The following HEATR1 variants were observed in gnomAD, a reference collection of about 807,000 sequenced individuals.
HEATR1 encodes the protein HEAT repeat containing 1.
In HEATR1, 77 loss-of-function variants were observed where a neutral mutation model predicts 248.2. The observed-to-expected ratio is 0.31, with a 90% CI of 0.26 to 0.37. The LOEUF is 0.37. HEATR1 is among the 10% of genes least tolerant of loss of function. The pLI is 1.00. For missense variants in HEATR1, 2,420 were observed against 2,504.9 expected (o/e 0.97, Z 0.72); for synonymous variants, 897 against 923.1 (o/e 0.97, Z 0.51).
Position 236,559,021 on chromosome 1 carries a change from G to C in HEATR1, c.4885C>G (p.Gln1629Glu). 1.9e-6 allele frequency: 3 copies of C among 1,610,492 alleles called. No homozygotes were observed. In the Admixed American group the frequency reaches 5.1e-5, roughly 27 times the overall value. Residue 1629 changes from glutamine (Q) to glutamate (E), a missense_variant, in exon 35 of 45, where the codon CAA becomes GAA. Transcript: ENST00000366582. Reference sequence around the variant, plus strand: ...ATTGTCTTCTTCCAGGATATATTTTGCTGCAGCTTGTTATTCAAAAGGTCC... The same window carrying C: ...ATTGTCTTCTTCCAGGATATATTTTCCTGCAGCTTGTTATTCAAAAGGTCC... ...ALDLLNNKLQ[Q>E]NISWKKTIVT... is the part of the protein sequence containing the mutation.
At position 236,603,174 on chromosome 1, in the gene HEATR1, C is replaced by T; in HGVS notation, c.345G>A (p.Glu115=). 3 of 1,613,156 alleles carry T rather than the reference C, an allele frequency of 1.9e-6. No individual in the cohort carries two copies. Among genetic ancestry groups the T allele is most frequent in the Non-Finnish European group, 2.5e-6 (3 of 1,179,118 alleles). The part of the protein sequence containing the change: ...FLLKPAQKCL[E]WLIHRFHIHL... Reference sequence around the variant, plus strand: ...CTATTAGCTACCTGTGAATCAACCACTCCAGACACTTCTGTGCTGGCTTAA... The same window carrying T: ...CTATTAGCTACCTGTGAATCAACCATTCCAGACACTTCTGTGCTGGCTTAA... The change falls in exon 3 of 45, where the codon GAG becomes GAA. Residue 115 remains glutamate (E), a synonymous_variant. Coordinates refer to ENST00000366582, the MANE Select transcript of HEATR1 (RefSeq NM_018072.6).
At position 236,550,274 on chromosome 1, in the gene HEATR1, A is replaced by G. The variant is rs1662665600; in HGVS notation, c.*628T>C. ...GCCAGGTGTGAGCTGTTTTAGAAGC[A>G]GCGTGTTGCCTTCATCTCTCCCGTT... On this transcript the variant is annotated 3_prime_UTR_variant, in exon 45 of 45. Coordinates refer to ENST00000366582, the MANE Select transcript of HEATR1 (RefSeq NM_018072.6). 6.6e-6 allele frequency: 1 copy of G among 152,222 alleles called. No homozygotes were observed. Among genetic ancestry groups the G allele is most frequent in the African/African-American group, 2.4e-5 (1 of 41,438 alleles). The allele number at this position is 152,222 out of a possible 1,614,324, so 9.4% of individuals were successfully genotyped here. A position where few individuals can be genotyped will look rare whatever the true frequency, so the allele number is the denominator to read the frequency against.
At chr1:236,571,724 A>G in intron 26 of HEATR1, 38 bp from the exon 27 acceptor site, 1 of 1,432,182 alleles carries the variant, frequency 7.0e-7, no homozygotes, top group Non-Finnish European at 9.9e-7. Flanking sequence ...GGGAAATGTA[A>G]AAGTTGTACA....
At chr1:236,589,875 T>TA (rs1161268802) in intron 12 of HEATR1, among the ~76,000 whole-genome samples, 1 of 152,162 alleles carries the variant, frequency 6.6e-6, no homozygotes, top group Non-Finnish European at 1.5e-5. Flanking sequence ...GAAGGCTATG[T>TA]AAAAAAATAA....
chr1:236,593,440 C>T (rs1157239481), intron 9 of HEATR1, among the ~76,000 whole-genome samples: 1 of 152,076 alleles, frequency 6.6e-6, no homozygotes, highest in African/African-American at 2.4e-5. Flanking sequence ...CACAGGCACT[C>T]TCTTGATCCT....
chr1:236,557,133 A>G, intron 37 of HEATR1, 62 bp downstream of exon 37: 1 of 1,540,376 alleles, frequency 6.5e-7, no homozygotes. Flanking sequence ...AAATCACTAC[A>G]TTTGTGATCT....
At chr1:236,590,419 A>T (rs1441570791) in intron 12 of HEATR1, among the ~76,000 whole-genome samples, 1 of 152,056 alleles carries the variant, frequency 6.6e-6, no homozygotes, top group Admixed American at 6.6e-5. Context: ...ACTTTTTTAT[A>T]GAGAAGGGGG....
Position 236,576,358 on chromosome 1 carries a change from T to C in HEATR1, c.2945A>G (p.Glu982Gly). The C allele has an allele frequency of 6.3e-7, 1 of 1,587,012 alleles. No individual in the cohort carries two copies. Among genetic ancestry groups the C allele is most frequent in the Non-Finnish European group, 8.5e-7 (1 of 1,172,390 alleles). Residue 982 changes from glutamate to glycine, a missense_variant, in exon 22 of 45, where the codon GAG becomes GGG. Coordinates refer to ENST00000366582, the MANE Select transcript of HEATR1 (RefSeq NM_018072.6). ...CAGTTTCTTTTCTCTCTGTAGTTCCTCAAATAAAGTAGCCAAATCCTAAGA... is the reference window on the plus strand; with the variant it reads ...CAGTTTCTTTTCTCTCTGTAGTTCCCCAAATAAAGTAGCCAAATCCTAAGA... ...YVIQDLATLF[E>G]ELQREKKLKS...
At position 236,550,845 on chromosome 1, in the gene HEATR1, A is replaced by C. The variant is rs1662696876; in HGVS notation, c.*57T>G. 2 of 1,373,798 alleles carry C rather than the reference A, an allele frequency of 1.5e-6. No homozygotes were observed. The highest frequency in any genetic ancestry group is 4.7e-5 in the East Asian group (2 of 42,782). 85.1% of individuals were successfully genotyped at this position (1,373,798 alleles called of 1,614,324 possible). ...AACATGGCACCCAACACCCAAAAAT[A>C]AAAATATGAAATATGAGTGTGAACT... On this transcript the variant is annotated 3_prime_UTR_variant, in exon 45 of 45. Coordinates refer to ENST00000366582, the MANE Select transcript of HEATR1 (RefSeq NM_018072.6).
chr1:236,576,548 T>C (rs541869936), intron 21 of HEATR1, among the ~76,000 whole-genome samples, 171 bp from the exon 22 acceptor site: 1 of 152,348 alleles, frequency 6.6e-6, no homozygotes, highest in South Asian at 2.1e-4. Flanking sequence ...TGGCTTACTA[T>C]GAAAAGCTAC....
intron 37 of HEATR1, among the ~76,000 whole-genome samples, chr1:236,556,796 C>T (rs558286688): frequency 3.3e-5 from 5 of 152,126 alleles, no homozygotes; most frequent in South Asian, 2.1e-4. Context: ...AAACCGCTGA[C>T]GTGCAATACA....
At chr1:236,559,991 G>A (rs1663085521) in intron 33 of HEATR1, among the ~76,000 whole-genome samples, 154 bp from the exon 34 acceptor site, 2 of 147,844 alleles carry the variant, frequency 1.4e-5, no homozygotes, top group South Asian at 4.2e-4. Flanking sequence ...AAGGAAATGA[G>A]GGATTATTGC....
chr1:236,572,819 T>G lies in HEATR1; in HGVS notation c.3469A>C (p.Asn1157His), dbSNP rs1045981863. ...VSSVFKGISV[N>H]AEQVRIELEP... ...AGTTCTATTCGGACTTGTTCAGCAT[T>G]AACGGAAATCTGAAATATTGAAGGA... Residue 1157 changes from asparagine (N) to histidine (H), a missense_variant, in exon 25 of 45, where the codon AAT (asparagine) becomes CAT (histidine). Transcript: ENST00000366582. 5.0e-6 allele frequency: 8 copies of G among 1,613,604 alleles called. No homozygotes were observed. The highest frequency in any genetic ancestry group is 5.9e-6 in the Non-Finnish European group (7 of 1,179,542).
rs1438755160 is a variant in HEATR1, at chr1:236,549,473, A to G, written c.*1429T>C. ...CAGGATTTAGGAATATTTTCAGAAC[A>G]GATTTTAGATATTATTTCTATCCAT... On this transcript the variant is annotated 3_prime_UTR_variant, in exon 45 of 45. Coordinates refer to ENST00000366582, the MANE Select transcript of HEATR1 (RefSeq NM_018072.6). 6.5e-6 allele frequency: 1 copy of G among 153,080 alleles called. No homozygotes were observed. Among genetic ancestry groups the G allele is most frequent in the Non-Finnish European group, 1.5e-5 (1 of 68,622 alleles). 9.5% of individuals were successfully genotyped at this position (153,080 alleles called of 1,614,324 possible). A position where few individuals can be genotyped will look rare whatever the true frequency, so the allele number is the denominator to read the frequency against.
intron 2 of HEATR1, 71 bp from the exon 3 acceptor site, chr1:236,603,447 G>C: frequency 8.2e-7 from 1 of 1,215,140 alleles, no homozygotes; most frequent in Non-Finnish European, 1.2e-6. Flanking sequence ...CTCTTTTACA[G>C]TTTTACTTAC....
intron 2 of HEATR1, among the ~76,000 whole-genome samples, chr1:236,603,592 CTTT>C (rs55829950): frequency 2.4e-4 from 30 of 127,356 alleles, no homozygotes; most frequent in Admixed American, 3.9e-4. Context: ...GCAGGGAACA[CTTT>C]TTTTTTTTTT....
Position 236,599,618 on chromosome 1 carries a change from A to G in HEATR1, c.366T>C (p.His122=), listed in dbSNP as rs562758917. ...KCLEWLIHRF[H]IHLYNQDSLI... Reference sequence around the variant, plus strand: ...GGCTATCTTGATTATAGAGATGTATATGGAACCTGGGGAAAAAAAGCAAAC... The same window carrying G: ...GGCTATCTTGATTATAGAGATGTATGTGGAACCTGGGGAAAAAAAGCAAAC... The change falls in exon 4 of 45, where the codon CAT becomes CAC. Residue 122 remains histidine, a synonymous_variant. Coordinates refer to ENST00000366582, the MANE Select transcript of HEATR1 (RefSeq NM_018072.6). 1.2e-6 allele frequency: 2 copies of G among 1,605,056 alleles called. No individual in the cohort carries two copies. The highest frequency in any genetic ancestry group is 3.4e-5 in the Admixed American group (2 of 58,548).
intron 44 of HEATR1, 81 bp downstream of exon 44, chr1:236,551,918 A>T: frequency 1.1e-6 from 1 of 911,068 alleles, no homozygotes; most frequent in African/African-American, 1.6e-5. Context: ...CCAAATCTGC[A>T]TTATCATTGG....
rs1368970139 is a variant in HEATR1 at position 236,595,541 on chromosome 1, T to C, written c.1089A>G (p.Thr363=). 4 of 1,610,328 alleles carry C rather than the reference T, an allele frequency of 2.5e-6. No homozygotes were observed. Among genetic ancestry groups the C allele is most frequent in the African/African-American group, 2.7e-5 (2 of 74,776 alleles). ...HLVVSIIHHV[T]GEETEGMDGQ... is the part of the protein sequence containing the mutation. Reference sequence around the variant, plus strand: ...GACAAAAAATATAAAACCACACACCTGTAACATGATGAATGATGGAGACGA... The same window carrying C: ...GACAAAAAATATAAAACCACACACCCGTAACATGATGAATGATGGAGACGA... Residue 363 remains threonine (T), a splice_region_variant and synonymous_variant, in exon 8 of 45, where the codon ACA becomes ACG. Transcript: ENST00000366582.
Sources: allele counts gnomAD v4.1 joint callset (sites outside exome capture counted in the v4.1 genomes callset), GRCh38; gene constraint gnomAD v4.1.1; transcripts MANE v1.5; gene names NCBI Gene and HGNC (gene_info 2026-07-23, HGNC 2026-07-21).